The following PTPRK variants were observed in gnomAD, a reference collection of about 807,000 sequenced individuals.
The protein encoded by PTPRK is receptor-type tyrosine-protein phosphatase kappa.
A neutral mutation model predicts 178.0 loss-of-function variants in PTPRK; 75 were observed. The observed-to-expected ratio is 0.42, with a 90% CI of 0.35 to 0.51. The LOEUF (loss-of-function observed/expected upper bound fraction) is 0.51, where lower values mean the gene tolerates loss of function less well. PTPRK is among the 20% of genes least tolerant of loss of function. PTPRK has a pLI of 0.02. For missense variants in PTPRK, 1,441 were observed against 1,797.8 expected, an observed-to-expected ratio of 0.80 and a Z score of 3.59; for synonymous variants, 637 against 620.6, an observed-to-expected ratio of 1.03 and a Z score of -0.39.
chr6:128,409,378 T>C (rs1842042651), intron 1 of PTPRK: 1 of 446,022 alleles, frequency 2.2e-6, no homozygotes, highest in South Asian at 1.6e-5. Flanking sequence ...ATAATAGAGG[T>C]AGACACATCA....
chr6:128,407,349 G>A (rs1000953303), intron 1 of PTPRK, among the ~76,000 whole-genome samples: 1 of 152,086 alleles, frequency 6.6e-6, no homozygotes, highest in Non-Finnish European at 1.5e-5. Context: ...AGAGTTAGAT[G>A]ATTGGGGCCT....
intron 13 of PTPRK, among the ~76,000 whole-genome samples, chr6:128,023,422 T>C (rs1473465707): frequency 2.6e-5 from 4 of 152,150 alleles, no homozygotes; most frequent in Non-Finnish European, 5.9e-5. Flanking sequence ...CAGCCCCTCC[T>C]AACTTTCTCA....
chr6:128,479,870 C>A (rs916499623), intron 1 of PTPRK, among the ~76,000 whole-genome samples: 2 of 152,134 alleles, frequency 1.3e-5, no homozygotes, highest in African/African-American at 4.8e-5. Context: ...ATTTCCTCCA[C>A]AAAATTATTT....
chr6:128,008,329 TA>T (rs1407993435), intron 14 of PTPRK, among the ~76,000 whole-genome samples: 1 of 64,546 alleles, frequency 1.5e-5, no homozygotes, highest in South Asian at 5.6e-4. Flanking sequence ...CTTTTGCTTA[TA>T]AATATTTTTT....
chr6:128,307,204 CAT>C (rs572612259), intron 3 of PTPRK, among the ~76,000 whole-genome samples: 5 of 148,706 alleles, frequency 3.4e-5, no homozygotes, highest in Admixed American at 6.7e-5. Flanking sequence ...CACACACACA[CAT>C]AGACACACAC....
chr6:128,405,289 C>T (rs1841520517), intron 1 of PTPRK, among the ~76,000 whole-genome samples: 1 of 152,094 alleles, frequency 6.6e-6, no homozygotes, highest in Admixed American at 6.6e-5. Context: ...ATGTATAAAC[C>T]AGTGAATTTT....
At chr6:128,296,408 A>G (rs969786693) in intron 3 of PTPRK, among the ~76,000 whole-genome samples, 5 of 152,156 alleles carry the variant, frequency 3.3e-5, no homozygotes, top group African/African-American at 9.7e-5. Context: ...GAGCAACTCC[A>G]AGACACATAA....
intron 14 of PTPRK, chr6:128,008,108 G>C: frequency 2.3e-6 from 3 of 1,311,510 alleles, no homozygotes; most frequent in Non-Finnish European, 3.1e-6. Flanking sequence ...TAATCGTAAA[G>C]AGGCAATATA....
intron 3 of PTPRK, among the ~76,000 whole-genome samples, chr6:128,315,721 T>C (rs181726633): frequency 2.0e-5 from 3 of 152,340 alleles, no homozygotes; most frequent in Admixed American, 2.0e-4. Context: ...TGCTGTATAT[T>C]TCCTTCTTCC....
intron 1 of PTPRK, among the ~76,000 whole-genome samples, chr6:128,516,646 A>G (rs1285148863): frequency 6.6e-6 from 1 of 152,206 alleles, no homozygotes; most frequent in African/African-American, 2.4e-5. Flanking sequence ...GAGTTACAGC[A>G]TTCTAAGTGC....
At chr6:128,494,296 A>C (rs1433578082) in intron 1 of PTPRK, among the ~76,000 whole-genome samples, 1 of 152,034 alleles carries the variant, frequency 6.6e-6, no homozygotes, top group East Asian at 1.9e-4. Flanking sequence ...GCTGACATTC[A>C]CCATCACCAT....
rs768366295 is a variant in PTPRK at position 128,309,547 on chromosome 6, C to T, written c.495+12492G>A. Among the ~76,000 whole-genome samples, 15 of 152,246 alleles carry T rather than the reference C, an allele frequency of 9.9e-5. No homozygotes were observed. The Middle Eastern group carries it at 0.01, about 104-fold the overall frequency. On this transcript the variant is annotated intron_variant, in intron 3 of 29. Transcript: ENST00000368226. ...GTGTGGTAGCTGCTACATAAAGCAG[C>T]TTGCTGACCTCCCCACACTGGAGTT...
In PTPRK at chr6:128,026,746, T is replaced by A. The variant is rs115947505; in HGVS notation, c.2195-17478A>T. 1.2e-3 allele frequency among the ~76,000 whole-genome samples: 178 copies of A among 152,310 alleles called. 1 individual carries two copies. Among genetic ancestry groups the A allele is most frequent in the African/African-American group, 3.8e-3 (159 of 41,570 alleles). On this transcript the variant is annotated intron_variant, in intron 13 of 29. Coordinates refer to ENST00000368226, the MANE Select transcript of PTPRK (RefSeq NM_002844.4). ...AGTACTTTAAGGAGGATATTATTCATTTTATATCATTTTCCTTCTCACTGT... is the reference window on the plus strand; with the variant it reads ...AGTACTTTAAGGAGGATATTATTCAATTTATATCATTTTCCTTCTCACTGT...
At chr6:128,156,159 A>C (rs1482906807) in intron 7 of PTPRK, among the ~76,000 whole-genome samples, 1 of 151,960 alleles carries the variant, frequency 6.6e-6, no homozygotes, top group African/African-American at 2.4e-5. Context: ...TATGTCATAA[A>C]GTTGAAATTC....
At chr6:128,317,577 A>C (rs1323802673) in intron 3 of PTPRK, among the ~76,000 whole-genome samples, 1 of 152,192 alleles carries the variant, frequency 6.6e-6, no homozygotes, top group Admixed American at 6.5e-5. Context: ...AACATGATGT[A>C]TAACAATGCT....
intron 6 of PTPRK, among the ~76,000 whole-genome samples, chr6:128,186,821 G>A (rs1456148755): frequency 3.3e-5 from 5 of 152,024 alleles, no homozygotes; most frequent in East Asian, 1.9e-4. Flanking sequence ...AAACTGAATC[G>A]AGAAGTGAAC....
At chr6:128,457,539 C>T (rs553950635) in intron 1 of PTPRK, among the ~76,000 whole-genome samples, 1 of 152,220 alleles carries the variant, frequency 6.6e-6, no homozygotes, top group South Asian at 2.1e-4. Context: ...TAGCTAATCA[C>T]TTGCAATAAA....
intron 3 of PTPRK, among the ~76,000 whole-genome samples, chr6:128,242,975 G>A (rs755391138): frequency 3.3e-5 from 5 of 152,126 alleles, no homozygotes; most frequent in Non-Finnish European, 7.4e-5. Flanking sequence ...CCTACTATGT[G>A]CCAAGCAGTA....
intron 3 of PTPRK, among the ~76,000 whole-genome samples, chr6:128,289,838 AG>A (rs1231352759): frequency 1.3e-5 from 2 of 152,172 alleles, no homozygotes; most frequent in African/African-American, 4.8e-5. Context: ...GACAATTTCA[AG>A]GATGTGTCAA....
Sources: allele counts gnomAD v4.1 joint callset (sites outside exome capture counted in the v4.1 genomes callset), GRCh38; gene constraint gnomAD v4.1.1; transcripts MANE v1.5; gene names NCBI Gene and HGNC (gene_info 2026-07-23, HGNC 2026-07-21).